Variants in ATG7 observed in about 807,000 individuals in gnomAD.
ATG7 encodes the protein autophagy related 7, also known as ubiquitin-like modifier-activating enzyme ATG7.
A neutral mutation model predicts 82.4 loss-of-function variants in ATG7; 70 were observed. That is an observed-to-expected ratio of 0.85 (90% CI 0.70 to 1.04). The LOEUF (loss-of-function observed/expected upper bound fraction) is 1.04, where lower values mean the gene tolerates loss of function less well. ATG7 is among the 50% of genes least tolerant of loss of function. The probability of loss-of-function intolerance (pLI) is 0.00; values close to 1 mark genes in which losing one functional copy is unlikely to be tolerated. For synonymous variants in ATG7, 287 were observed against 313.0 expected, an observed-to-expected ratio of 0.92 and a Z score of 0.88; for missense variants, 792 against 864.3, an observed-to-expected ratio of 0.92 and a Z score of 1.05.
downstream of ATG7, among the ~76,000 whole-genome samples, chr3:11,561,537 C>T (rs2073004811): frequency 6.6e-6 from 1 of 152,210 alleles, no homozygotes; most frequent in Admixed American, 6.5e-5. Flanking sequence ...GGCTCCACCA[C>T]CCCTCCTCCC....
intron 11 of ATG7, among the ~76,000 whole-genome samples, chr3:11,336,346 A>C (rs369842673): frequency 1.7e-4 from 26 of 152,198 alleles, no homozygotes; most frequent in Middle Eastern, 6.8e-3. Flanking sequence ...GCTGACATTT[A>C]AACTCAGGAA....
At chr3:11,456,020 A>C (rs2085674675) in intron 20 of ATG7, among the ~76,000 whole-genome samples, 1 of 152,174 alleles carries the variant, frequency 6.6e-6, no homozygotes, top group Non-Finnish European at 1.5e-5. Flanking sequence ...ACTCTTCAAA[A>C]ATATACAGTT....
At position 11,301,940 on chromosome 3, in the gene ATG7, A is replaced by G. The variant is rs532367094; in HGVS notation, c.215+2524A>G. ...AGAAGTTAGGTTTGAACTTACTACA[A>G]AATGTGAGCATCTTAAACTTAATTA... On this transcript the variant is annotated intron_variant, in intron 5 of 20. Coordinates refer to ENST00000693202, the MANE Select transcript of ATG7 (RefSeq NM_001349232.2). Among the ~76,000 whole-genome samples the G allele has an allele frequency of 1.3e-4, 20 of 152,372 alleles. No homozygotes were observed. In the South Asian group the frequency reaches 3.9e-3, roughly 30 times the overall value.
intron 9 of ATG7, among the ~76,000 whole-genome samples, chr3:11,318,843 C>T (rs1429170888): frequency 6.6e-6 from 1 of 152,192 alleles, no homozygotes; most frequent in East Asian, 1.9e-4. Flanking sequence ...TGGCTGCTGC[C>T]TCACCTACCT....
chr3:11,574,800 T>C, the ATG7 span, among the ~76,000 whole-genome samples: 3 of 133,426 alleles, frequency 2.2e-5, no homozygotes, highest in African/African-American at 1.1e-4. Context: ...TGTGTGTGTG[T>C]GTGTGTGTGT....
intron 20 of ATG7, among the ~76,000 whole-genome samples, chr3:11,543,985 G>C (rs868052073): frequency 1.3e-5 from 2 of 152,206 alleles, no homozygotes; most frequent in Non-Finnish European, 2.9e-5. Context: ...TCAGCCCCAG[G>C]CTGGCCTCAC....
At chr3:11,312,531 C>T (rs1255300091) in intron 7 of ATG7, among the ~76,000 whole-genome samples, 1 of 152,188 alleles carries the variant, frequency 6.6e-6, no homozygotes, top group Non-Finnish European at 1.5e-5. Context: ...TAGAGCCTCT[C>T]CATGGCTCTA....
At chr3:11,312,393 G>A (rs1392337596) in intron 7 of ATG7, among the ~76,000 whole-genome samples, 1 of 152,214 alleles carries the variant, frequency 6.6e-6, no homozygotes, top group East Asian at 1.9e-4. Flanking sequence ...AGCCATTAGC[G>A]TGAGTGGGAA....
At chr3:11,448,979 G>A (rs1274398361) in intron 20 of ATG7, among the ~76,000 whole-genome samples, 1 of 152,206 alleles carries the variant, frequency 6.6e-6, no homozygotes, top group Non-Finnish European at 1.5e-5. Context: ...GGGTAAAAAT[G>A]TCACACAAAG....
rs2083783082 is a variant in ATG7 at position 11,440,380 on chromosome 3, A to G, written c.2079+13454A>G. Among the ~76,000 whole-genome samples, 3 of 124,580 alleles carry G rather than the reference A, an allele frequency of 2.4e-5. No individual in the cohort carries two copies. The Admixed American group carries it at 2.9e-4, about 12-fold the overall frequency. The allele number at this position is 124,580 out of a possible 152,430, so 81.7% of individuals were successfully genotyped here. On this transcript the variant is annotated intron_variant, in intron 20 of 20. Transcript: ENST00000693202. The stretch of plus-strand genomic sequence containing the variant: ...CGCTCTGTCGCCCAGGCTGGAGTGC[A>G]GTGGCGGGATCTCGGCTCACTGCAA...
chr3:11,547,064 C>T (rs977673808), intron 20 of ATG7, among the ~76,000 whole-genome samples: 3 of 152,214 alleles, frequency 2.0e-5, no homozygotes, highest in Non-Finnish European at 4.4e-5. Context: ...TGCTCTTGGG[C>T]ACCTATTGTG....
chr3:11,490,638 C>T (rs1275321016), intron 20 of ATG7, among the ~76,000 whole-genome samples: 1 of 147,242 alleles, frequency 6.8e-6, no homozygotes, highest in Non-Finnish European at 1.5e-5. Flanking sequence ...TTTAGTGGTT[C>T]CTTCAGGAGC....
intron 10 of ATG7, among the ~76,000 whole-genome samples, chr3:11,331,644 G>A (rs1216153590): frequency 6.6e-6 from 1 of 152,138 alleles, no homozygotes; most frequent in Non-Finnish European, 1.5e-5. Flanking sequence ...TGATCATTCT[G>A]TGCTAAAGAT....
At chr3:11,342,918 ATTTG>A (rs1305082598) in intron 13 of ATG7, among the ~76,000 whole-genome samples, 1 of 148,786 alleles carries the variant, frequency 6.7e-6, no homozygotes, top group African/African-American at 2.5e-5. Flanking sequence ...TATTTTATAT[ATTTG>A]TTTGTCATTA....
At chr3:11,298,056 G>A (rs1946227179) in intron 3 of ATG7, among the ~76,000 whole-genome samples, 1 of 152,152 alleles carries the variant, frequency 6.6e-6, no homozygotes, top group African/African-American at 2.4e-5. Context: ...GCATGCGCCT[G>A]TAGTCCCAGC....
the ATG7 span, among the ~76,000 whole-genome samples, chr3:11,572,643 C>A: frequency 2.0e-5 from 3 of 152,146 alleles, no homozygotes; most frequent in African/African-American, 7.2e-5. Flanking sequence ...AAGCACACAT[C>A]CGTCGCATGC....
At chr3:11,291,252 G>T (rs1944938923) in intron 3 of ATG7, among the ~76,000 whole-genome samples, 1 of 152,240 alleles carries the variant, frequency 6.6e-6, no homozygotes, top group Admixed American at 6.5e-5. Flanking sequence ...GTCTGCAACT[G>T]TGTTGATTTC....
In ATG7 at chr3:11,311,879, C is replaced by G. The variant is rs116727071; in HGVS notation, c.412-1425C>G. The stretch of plus-strand genomic sequence containing the variant: ...GACCGCAGAGATTACAATTATTAGA[C>G]TTTCTCATCTGTACACATGATTACA... On this transcript the variant is annotated intron_variant, in intron 7 of 20. Transcript: ENST00000693202. Among the ~76,000 whole-genome samples the G allele has an allele frequency of 6.2e-3, 940 of 151,316 alleles. 7 individuals carry two copies. The highest frequency in any genetic ancestry group is 0.022 in the African/African-American group (902 of 41,156).
rs561374068 is a variant in ATG7 at position 11,273,810 on chromosome 3, G to T, written c.-366+1380G>T. ...GTGGCGGCATTGTCAGTAAGGGTTG[G>T]TAGGTGTTTCCGATTCTGAAACGTA... On this transcript the variant is annotated intron_variant, in intron 1 of 20. Coordinates refer to ENST00000693202, the MANE Select transcript of ATG7 (RefSeq NM_001349232.2). 5.3e-5 allele frequency among the ~76,000 whole-genome samples: 8 copies of T among 152,272 alleles called. No individual in the cohort carries two copies. The South Asian group carries it at 1.2e-3, about 24-fold the overall frequency.
Sources: gnomAD v4.1 joint callset for allele counts (sites outside exome capture counted in the v4.1 genomes callset) on GRCh38, gnomAD v4.1.1 for gene constraint, MANE v1.5 for transcripts, NCBI Gene and HGNC (gene_info 2026-07-23, HGNC 2026-07-21) for gene names.